Variants in STAG1 observed in about 807,000 individuals in gnomAD.
STAG1 encodes cohesin subunit SA-1.
STAG1 carries 26 observed loss-of-function variants against 170.9 expected under a neutral mutation model. That is an observed-to-expected ratio of 0.15 (90% CI 0.11 to 0.21). The LOEUF is 0.21. Among genes scored for constraint, STAG1 ranks in the 10% least tolerant of loss-of-function variants. The pLI is 1.00. For missense variants in STAG1, 964 were observed against 1,509.5 expected (o/e 0.64, Z 5.99); for synonymous variants, 514 against 497.7 (o/e 1.03, Z -0.44).
intron 1 of STAG1, among the ~76,000 whole-genome samples, chr3:136,709,450 A>C (rs570538182): frequency 6.6e-6 from 1 of 152,106 alleles, no homozygotes; most frequent in East Asian, 1.9e-4. Context: ...TTTTTCTCTA[A>C]TCAATGAAGG....
chr3:136,721,304 G>T (rs1028429787), intron 1 of STAG1: 1 of 152,180 alleles, frequency 6.6e-6, no homozygotes, highest in Non-Finnish European at 1.5e-5. Context: ...CAGTATAACA[G>T]AATCAAATAG....
chr3:136,556,741 C>A (rs1016155519), intron 5 of STAG1, among the ~76,000 whole-genome samples: 4 of 151,850 alleles, frequency 2.6e-5, no homozygotes, highest in African/African-American at 9.7e-5. Context: ...CACCACCACG[C>A]CCCACTAATT....
At chr3:136,462,420 G>A (rs545583551) in intron 13 of STAG1, among the ~76,000 whole-genome samples, 3 of 152,234 alleles carry the variant, frequency 2.0e-5, no homozygotes, top group South Asian at 4.1e-4. Flanking sequence ...ATTATGTTAA[G>A]TGAATTAAGC....
chr3:136,514,625 C>A (rs1272813049), intron 7 of STAG1, among the ~76,000 whole-genome samples: 1 of 152,070 alleles, frequency 6.6e-6, no homozygotes, highest in Non-Finnish European at 1.5e-5. Context: ...ATATTTACTG[C>A]GACAATATTC....
At chr3:136,465,658 T>G (rs1246567564) in intron 12 of STAG1, among the ~76,000 whole-genome samples, 1 of 132,010 alleles carries the variant, frequency 7.6e-6, no homozygotes, top group Non-Finnish European at 1.6e-5. Flanking sequence ...ACCAACAAAA[T>G]CAACAAAGTA....
chr3:136,717,157 C>T (rs894777017), intron 1 of STAG1, among the ~76,000 whole-genome samples: 1 of 150,130 alleles, frequency 6.7e-6, no homozygotes, highest in African/African-American at 2.5e-5. Flanking sequence ...GCCTCAACAC[C>T]TATTCCCACC....
chr3:136,370,904 T>C (rs1284741275), intron 23 of STAG1, among the ~76,000 whole-genome samples: 2 of 152,218 alleles, frequency 1.3e-5, no homozygotes, highest in African/African-American at 2.4e-5. Context: ...TCAAATGGTA[T>C]GTCTAGTTCT....
At chr3:136,600,866 GTTTGTTTTGTTTTGT>G (rs147103499) in intron 4 of STAG1, among the ~76,000 whole-genome samples, 2,356 of 146,486 alleles carry the variant, frequency 0.016, 44 homozygotes, top group East Asian at 0.055. Flanking sequence ...TTGTTTGTTT[GTTTGTTTTGTTTTGT>G]TTTGTTTTGT....
At chr3:136,589,968 C>T (rs1938075535) in intron 4 of STAG1, among the ~76,000 whole-genome samples, 1 of 151,336 alleles carries the variant, frequency 6.6e-6, no homozygotes, top group African/African-American at 2.4e-5. Context: ...AATAAAAATA[C>T]AAAAAATAGC....
chr3:136,499,680 T>C (rs1335795865), intron 9 of STAG1: 1 of 152,346 alleles, frequency 6.6e-6, no homozygotes, highest in African/African-American at 2.4e-5. Flanking sequence ...CTAAAATCAT[T>C]AGCAATGGAG....
At chr3:136,362,970 G>A (rs1175812243) in intron 26 of STAG1, among the ~76,000 whole-genome samples, 2 of 151,932 alleles carry the variant, frequency 1.3e-5, no homozygotes, top group African/African-American at 4.8e-5. Flanking sequence ...TAGGCCCCCT[G>A]AAATCATTTT....
At chr3:136,391,738 C>G (rs184507924) in intron 22 of STAG1, among the ~76,000 whole-genome samples, 208 of 152,288 alleles carry the variant, frequency 1.4e-3, no homozygotes, top group South Asian at 5.8e-3. Context: ...CCAGAAGGAG[C>G]TGAAGGAAGA....
chr3:136,632,583 A>C (rs377532054), intron 1 of STAG1, among the ~76,000 whole-genome samples: 1 of 152,280 alleles, frequency 6.6e-6, no homozygotes, highest in African/African-American at 2.4e-5. Flanking sequence ...CTGGGGTAAG[A>C]GACAGCATAC....
intron 5 of STAG1, among the ~76,000 whole-genome samples, chr3:136,544,789 C>A (rs1431051308): frequency 1.3e-5 from 2 of 151,672 alleles, no homozygotes; most frequent in African/African-American, 4.8e-5. Context: ...GCTTTTATGA[C>A]ACACCATTCT....
At chr3:136,711,499 T>TAC (rs1243224941) in intron 1 of STAG1, among the ~76,000 whole-genome samples, 2 of 151,692 alleles carry the variant, frequency 1.3e-5, no homozygotes, top group African/African-American at 4.8e-5. Flanking sequence ...AGGTCAAGGC[T>TAC]ACAGTACACT....
intron 32 of STAG1, among the ~76,000 whole-genome samples, chr3:136,339,500 CA>C (rs1935853093): frequency 6.6e-6 from 1 of 152,114 alleles, no homozygotes; most frequent in Non-Finnish European, 1.5e-5. Context: ...TACAGCCTGG[CA>C]ACAGAGCGAG....
chr3:136,525,631 C>T (rs1400963603), intron 6 of STAG1, among the ~76,000 whole-genome samples: 2 of 152,158 alleles, frequency 1.3e-5, no homozygotes, highest in South Asian at 2.1e-4. Context: ...TTCTTGCTTT[C>T]TGCTAGCTTT....
At chr3:136,524,507 G>C (rs1576563629) in intron 6 of STAG1, among the ~76,000 whole-genome samples, 1 of 152,146 alleles carries the variant, frequency 6.6e-6, no homozygotes, top group African/African-American at 2.4e-5. Context: ...TGAGACAATG[G>C]GGTTTTCTAA....
At chr3:136,612,005 G>A (rs1370987570) in intron 3 of STAG1, among the ~76,000 whole-genome samples, 1 of 151,884 alleles carries the variant, frequency 6.6e-6, no homozygotes, top group Non-Finnish European at 1.5e-5. Context: ...CCGCCACCAT[G>A]CCCAGCTAAG....
Sources: gnomAD v4.1 joint callset for allele counts (sites outside exome capture counted in the v4.1 genomes callset) on GRCh38, gnomAD v4.1.1 for gene constraint, MANE v1.5 for transcripts, NCBI Gene and HGNC (gene_info 2026-07-23, HGNC 2026-07-21) for gene names.